EDA: variants seen among roughly 807,000 people sequenced by gnomAD.
The protein encoded by EDA is ectodysplasin A, also known as ectodysplasin-A.
A neutral mutation model predicts 23.6 loss-of-function variants in EDA; 2 were observed. That is an observed-to-expected ratio of 0.08 (90% confidence interval 0.03 to 0.27). The LOEUF is 0.27. Ranked by LOEUF, EDA falls within the 10% of genes least tolerant of loss-of-function variation. EDA has a pLI of 1.00. For synonymous variants in EDA, 131 were observed against 132.0 expected, an observed-to-expected ratio of 0.99 and a Z score of 0.05; for missense variants, 229 against 324.2, an observed-to-expected ratio of 0.71 and a Z score of 2.26.
chrX:69,900,433 T>C, intron 1 of EDA, among the ~76,000 whole-genome samples: 1 of 107,406 alleles, frequency 9.3e-6, no homozygotes, highest in East Asian at 2.9e-4. Flanking sequence ...TTATGATATA[T>C]ATATTTTAAT....
At chrX:69,911,203 T>C (rs980685191) in intron 1 of EDA, among the ~76,000 whole-genome samples, 1 of 112,134 alleles carries the variant, frequency 8.9e-6, no homozygotes, top group African/African-American at 3.2e-5. Context: ...TATGTTTAGC[T>C]GGGCTGCTTG....
chrX:69,749,753 C>A (rs747115274), intron 1 of EDA: 1 of 110,725 alleles, frequency 9.0e-6, no homozygotes, highest in East Asian at 2.9e-4. Context: ...GGTAAAGTAT[C>A]CCTAGATCTC....
intron 7 of EDA, among the ~76,000 whole-genome samples, chrX:70,033,885 G>C (rs1309571419): frequency 9.0e-6 from 1 of 111,633 alleles, no homozygotes; most frequent in Non-Finnish European, 1.9e-5. Context: ...TACATTCTTT[G>C]AAAGTCAGTT....
intron 1 of EDA, among the ~76,000 whole-genome samples, chrX:69,910,499 G>A (rs2018250674): frequency 9.5e-6 from 1 of 105,561 alleles, no homozygotes; most frequent in African/African-American, 3.5e-5. Context: ...ACCAAATTTG[G>A]GGAAATTTTG....
At chrX:69,653,649 A>T (rs754822604) in intron 1 of EDA, among the ~76,000 whole-genome samples, 156 of 111,035 alleles carry the variant, frequency 1.4e-3, no homozygotes, top group African/African-American at 5.0e-3. Context: ...AATGCCGCAT[A>T]TCTACAACTA....
intron 2 of EDA, among the ~76,000 whole-genome samples, chrX:70,005,827 T>G (rs749253872): frequency 1.1e-4 from 12 of 111,826 alleles, no homozygotes; most frequent in Admixed American, 6.7e-4. Context: ...TTTAGAACAG[T>G]TTTTGTATAC....
chrX:69,976,369 A>G (rs756801352), intron 2 of EDA, among the ~76,000 whole-genome samples: 2 of 111,655 alleles, frequency 1.8e-5, no homozygotes, highest in Admixed American at 1.9e-4. Context: ...CAGAGAACTA[A>G]AGTAGTGGTT....
rs1427311398 is a variant in EDA, at chrX:70,027,131, A to G, written c.527-726A>G. ...TCTAAAAAGAACCACAAAGTGACCC[A>G]TAGGTCTAATCACTTGGTAGAGAAA... On this transcript the variant is annotated intron_variant, in intron 3 of 7. Transcript: ENST00000374552. Among the ~76,000 whole-genome samples the G allele has an allele frequency of 6.2e-5, 7 of 112,106 alleles. No homozygotes were observed. In the Admixed American group the frequency reaches 6.6e-4, roughly 11 times the overall value.
At chrX:69,862,933 G>T (rs1339086925) in intron 1 of EDA, among the ~76,000 whole-genome samples, 1 of 109,749 alleles carries the variant, frequency 9.1e-6, no homozygotes, top group Non-Finnish European at 1.9e-5. Context: ...GAAAACAATA[G>T]CCTTGACTAA....
intron 1 of EDA, among the ~76,000 whole-genome samples, chrX:69,868,593 T>A (rs1044981001): frequency 8.9e-6 from 1 of 112,066 alleles, no homozygotes; most frequent in East Asian, 2.8e-4. Context: ...ATCAGCAAAA[T>A]GTCATCAATG....
At chrX:69,877,529 T>G (rs2017665376) in intron 1 of EDA, among the ~76,000 whole-genome samples, 2 of 112,269 alleles carry the variant, frequency 1.8e-5, no homozygotes, top group South Asian at 7.3e-4. Flanking sequence ...TTCTTTTTTT[T>G]GTTTTTTTAT....
intron 2 of EDA, among the ~76,000 whole-genome samples, chrX:70,001,230 A>G (rs994844969): frequency 1.1e-4 from 12 of 111,638 alleles, no homozygotes; most frequent in African/African-American, 3.9e-4. Flanking sequence ...AGTTTGTCCC[A>G]TCAGAAGAAG....
At chrX:69,636,177 A>G (rs1236247731) in intron 1 of EDA, among the ~76,000 whole-genome samples, 1 of 110,472 alleles carries the variant, frequency 9.1e-6, no homozygotes, top group Non-Finnish European at 1.9e-5. Flanking sequence ...TCCCTCATTA[A>G]TGGCTTGATG....
chrX:69,701,021 A>T (rs754644662), intron 1 of EDA, among the ~76,000 whole-genome samples: 1 of 111,386 alleles, frequency 9.0e-6, no homozygotes, highest in Admixed American at 9.5e-5. Flanking sequence ...CAGGGTTTGG[A>T]GACTTGTCCA....
At chrX:69,996,347 C>G (rs2019656207) in intron 2 of EDA, among the ~76,000 whole-genome samples, 1 of 111,819 alleles carries the variant, frequency 8.9e-6, no homozygotes, top group Non-Finnish European at 1.9e-5. Context: ...CTATTTCTGT[C>G]TATGCAGAAG....
chrX:69,882,497 G>A (rs1427105297), intron 1 of EDA, among the ~76,000 whole-genome samples: 1 of 111,671 alleles, frequency 9.0e-6, no homozygotes, highest in African/African-American at 3.3e-5. Context: ...CAAGTCAGGT[G>A]ACTAGGTTAG....
chrX:70,007,724 A>T, intron 2 of EDA, among the ~76,000 whole-genome samples: 1 of 111,577 alleles, frequency 9.0e-6, no homozygotes, highest in Non-Finnish European at 1.9e-5. Context: ...CTTCCTATCC[A>T]CGAACATTGA....
At chrX:69,631,110 G>T (rs1932560841) in intron 1 of EDA, among the ~76,000 whole-genome samples, 1 of 111,134 alleles carries the variant, frequency 9.0e-6, no homozygotes, top group Admixed American at 9.6e-5. Flanking sequence ...GCCAGGCACG[G>T]TGGCTCACAC....
At position 69,827,588 on chromosome X, in the gene EDA, G is replaced by C. The variant is rs771108310; in HGVS notation, c.397-129439G>C. On this transcript the variant is annotated intron_variant, in intron 1 of 7. Transcript: ENST00000374552. ...GCACTTCTCTGTATTGATTATTCTA[G>C]TTATACATTCTTCTAAATTTTTTTC... 6.3e-5 allele frequency among the ~76,000 whole-genome samples: 7 copies of C among 111,371 alleles called. 1 individual carries two copies. The South Asian group carries it at 2.6e-3, about 42-fold the overall frequency.
Sources: allele counts gnomAD v4.1 joint callset (sites outside exome capture counted in the v4.1 genomes callset), GRCh38; gene constraint gnomAD v4.1.1; transcripts MANE v1.5; gene names NCBI Gene and HGNC (gene_info 2026-07-23, HGNC 2026-07-21).